Variants in CADPS2 observed in about 807,000 individuals in gnomAD.
CADPS2 encodes calcium dependent secretion activator 2, also known as calcium-dependent secretion activator 2.
CADPS2 carries 93 observed loss-of-function variants against 172.5 expected under a neutral mutation model. That is an observed-to-expected ratio of 0.54 (90% confidence interval 0.46 to 0.64). The LOEUF (loss-of-function observed/expected upper bound fraction) is 0.64. Ranked by LOEUF, CADPS2 falls within the 30% of genes least tolerant of loss-of-function variation. CADPS2 has a pLI of 0.00. For synonymous variants in CADPS2, 546 were observed against 555.2 expected, an observed-to-expected ratio of 0.98 and a Z score of 0.23; for missense variants, 1,420 against 1,565.9, an observed-to-expected ratio of 0.91 and a Z score of 1.57.
intron 28 of CADPS2, among the ~76,000 whole-genome samples, chr7:122,328,107 G>T (rs1237992790): frequency 6.7e-6 from 1 of 148,222 alleles, no homozygotes; most frequent in Non-Finnish European, 1.5e-5. Context: ...CATTATGACT[G>T]CTTTCTTGTA....
At chr7:122,702,481 G>T in intron 2 of CADPS2, 1 of 1,613,718 alleles carries the variant, frequency 6.2e-7, no homozygotes, top group Non-Finnish European at 8.5e-7. Context: ...TGCTGAAATT[G>T]GTCAAAGGAT....
intron 2 of CADPS2, among the ~76,000 whole-genome samples, chr7:122,664,533 C>T (rs1295042913): frequency 6.6e-6 from 1 of 152,066 alleles, no homozygotes; most frequent in African/African-American, 2.4e-5. Flanking sequence ...GAAGAGACAC[C>T]AGAGATTTGG....
intron 2 of CADPS2, among the ~76,000 whole-genome samples, chr7:122,682,684 T>C (rs1292060833): frequency 1.3e-5 from 2 of 152,234 alleles, no homozygotes; most frequent in Non-Finnish European, 2.9e-5. Context: ...ACTTCTGTGC[T>C]ACTCTCCACT....
intron 3 of CADPS2, among the ~76,000 whole-genome samples, chr7:122,636,541 C>A (rs1052936858): frequency 2.1e-5 from 3 of 144,888 alleles, no homozygotes; most frequent in Non-Finnish European, 4.5e-5. Context: ...TCTTGGCTCA[C>A]TGCAATCTCC....
At chr7:122,721,535 A>T (rs1470072022) in intron 2 of CADPS2, among the ~76,000 whole-genome samples, 1 of 152,140 alleles carries the variant, frequency 6.6e-6, no homozygotes, top group Non-Finnish European at 1.5e-5. Context: ...TCTGAAATTG[A>T]GGCAATAATT....
intron 17 of CADPS2, chr7:122,424,452 A>C (rs1422363098): frequency 6.3e-6 from 2 of 317,902 alleles, no homozygotes; most frequent in African/African-American, 4.5e-5. Context: ...CAGTCTCCAT[A>C]AGCCAACAGT....
rs75322502 is a variant in CADPS2 at position 122,700,981 on chromosome 7, C to T, written c.453+35974G>A. 1.2e-3 allele frequency among the ~76,000 whole-genome samples: 181 copies of T among 152,094 alleles called. 2 individuals carry two copies. The highest frequency in any genetic ancestry group is 0.011 in the East Asian group (57 of 5,156). On this transcript the variant is annotated intron_variant, in intron 2 of 29. Coordinates refer to ENST00000449022, the MANE Select transcript of CADPS2 (RefSeq NM_017954.11). Reference sequence around the variant, plus strand: ...TGAGTAGCTTTGGAAACTAGATTTCCTGGGTATTAATAAAATTAATTAACC... The same window carrying T: ...TGAGTAGCTTTGGAAACTAGATTTCTTGGGTATTAATAAAATTAATTAACC...
chr7:122,807,027 A>T (rs1798926209), intron 1 of CADPS2, among the ~76,000 whole-genome samples: 1 of 152,210 alleles, frequency 6.6e-6, no homozygotes, highest in Non-Finnish European at 1.5e-5. Flanking sequence ...TTTTGTCATT[A>T]GGGGATACTG....
chr7:122,542,454 GTAT>G (rs2131650941), intron 8 of CADPS2, among the ~76,000 whole-genome samples: 1 of 152,216 alleles, frequency 6.6e-6, no homozygotes, highest in South Asian at 2.1e-4. Flanking sequence ...GTTTGGGAAG[GTAT>G]TATTAGCAGA....
At chr7:122,324,048 T>C (rs1429122506) in intron 29 of CADPS2, among the ~76,000 whole-genome samples, 1 of 151,818 alleles carries the variant, frequency 6.6e-6, no homozygotes, top group Non-Finnish European at 1.5e-5. Context: ...CATATTGTCC[T>C]TTCAGTTTCT....
chr7:122,355,723 T>G (rs1055302467), intron 27 of CADPS2, among the ~76,000 whole-genome samples: 1 of 152,210 alleles, frequency 6.6e-6, no homozygotes, highest in African/African-American at 2.4e-5. Flanking sequence ...TAGAGAGAAC[T>G]GGACAAGAAC....
At chr7:122,589,008 A>G (rs1200071728) in intron 6 of CADPS2, among the ~76,000 whole-genome samples, 1 of 152,038 alleles carries the variant, frequency 6.6e-6, no homozygotes, top group Non-Finnish European at 1.5e-5. Flanking sequence ...GACTGAAAGC[A>G]TACAATGTGT....
intron 1 of CADPS2, among the ~76,000 whole-genome samples, chr7:122,798,215 G>A (rs1167231034): frequency 6.6e-6 from 1 of 151,912 alleles, no homozygotes; most frequent in Admixed American, 6.6e-5. Flanking sequence ...AACAAGAGAG[G>A]AAAAGGTGCT....
intron 6 of CADPS2, among the ~76,000 whole-genome samples, chr7:122,593,753 G>A (rs1027954631): frequency 6.6e-6 from 1 of 151,646 alleles, no homozygotes; most frequent in African/African-American, 2.4e-5. Context: ...CAATAGAGAC[G>A]TCAACTAACA....
intron 5 of CADPS2, among the ~76,000 whole-genome samples, chr7:122,618,017 C>T (rs971285758): frequency 3.4e-5 from 5 of 148,484 alleles, no homozygotes; most frequent in Non-Finnish European, 7.4e-5. Context: ...GCACTCCAGC[C>T]TGGGCGACAG....
intron 8 of CADPS2, among the ~76,000 whole-genome samples, chr7:122,537,947 A>G (rs907928628): frequency 2.6e-5 from 4 of 151,910 alleles, no homozygotes; most frequent in African/African-American, 9.6e-5. Context: ...CTGGAAAAAA[A>G]TACTTTCCAA....
intron 8 of CADPS2, 64 bp downstream of exon 8, chr7:122,554,486 C>A: frequency 6.8e-7 from 1 of 1,480,702 alleles, no homozygotes; most frequent in Non-Finnish European, 9.1e-7. Context: ...ACTAAACTGA[C>A]AAAAATAATA....
chr7:122,826,273 G>C (rs73718021), intron 1 of CADPS2, among the ~76,000 whole-genome samples: 2,458 of 152,244 alleles, frequency 0.016, 62 homozygotes, highest in African/African-American at 0.056. Flanking sequence ...ACCTCCATTT[G>C]GACTTAAGAA....
At chr7:122,443,366 A>G (rs2051633846) in intron 15 of CADPS2, among the ~76,000 whole-genome samples, 1 of 152,212 alleles carries the variant, frequency 6.6e-6, no homozygotes, top group Admixed American at 6.5e-5. Flanking sequence ...TCTGCCTTTC[A>G]GGCTAAATAT....
Sources: allele counts gnomAD v4.1 joint callset (sites outside exome capture counted in the v4.1 genomes callset), GRCh38; gene constraint gnomAD v4.1.1; transcripts MANE v1.5; gene names NCBI Gene and HGNC (gene_info 2026-07-23, HGNC 2026-07-21).